The following GOLGA4 variants were observed in gnomAD, a reference collection of about 807,000 sequenced individuals.
The protein encoded by GOLGA4 is golgin subfamily A member 4.
GOLGA4 carries 169 observed loss-of-function variants against 265.9 expected under a neutral mutation model. The observed-to-expected ratio is 0.64, with a 90% CI of 0.56 to 0.72. The LOEUF (loss-of-function observed/expected upper bound fraction) is 0.72, where lower values mean the gene tolerates loss of function less well. Ranked by LOEUF, GOLGA4 falls within the 30% of genes least tolerant of loss-of-function variation. GOLGA4 has a pLI of 0.00. For synonymous variants in GOLGA4, 923 were observed against 855.8 expected (o/e 1.08, Z -1.37); for missense variants, 2,482 against 2,483.4 (o/e 1.00, Z 0.01).
At chr3:37,352,449 T>C (rs192576643) in intron 21 of GOLGA4, among the ~76,000 whole-genome samples, 2 of 152,088 alleles carry the variant, frequency 1.3e-5, no homozygotes, top group African/African-American at 4.8e-5. Flanking sequence ...TTACCTCCCA[T>C]TGGGTCCTTC....
Position 37,282,176 on chromosome 3 carries a change from G to C in GOLGA4, c.381G>C (p.Leu127Phe). ...ATATGGATAGCGAGGCTGAAGACTT[G>C]GTAGGGAATTCAGACAGTCTCAACA... Reference protein sequence around the residue: ...PSDMDSEAEDLVGNSDSLNKE... With the variant: ...PSDMDSEAEDFVGNSDSLNKE... The change falls in exon 3 of 24, where the codon TTG (leucine) becomes TTC (phenylalanine). Residue 127 changes from leucine (L) to phenylalanine (F), a missense_variant. Leu to Phe is a conservative substitution (Grantham distance 22). Transcript: ENST00000361924. 6.2e-7 allele frequency: 1 copy of C among 1,614,078 alleles called. No individual in the cohort carries two copies. The highest frequency in any genetic ancestry group is 1.7e-5 in the Admixed American group (1 of 60,026).
chr3:37,337,005 C>T (rs2097015801), intron 17 of GOLGA4, 138 bp from the exon 18 acceptor site: 1 of 629,682 alleles, frequency 1.6e-6, no homozygotes. Context: ...TTTAAAGTTG[C>T]CTTACCTCAA....
At chr3:37,280,992 T>C (rs1302856453) in intron 2 of GOLGA4, among the ~76,000 whole-genome samples, 3 of 152,222 alleles carry the variant, frequency 2.0e-5, no homozygotes, top group Non-Finnish European at 4.4e-5. Flanking sequence ...ATTTTTTGCC[T>C]ACACATGACC....
rs778517852 is a variant in GOLGA4, at chr3:37,324,763, T to G, written c.2877T>G (p.Val959=). 15 of 1,587,236 alleles carry G rather than the reference T, an allele frequency of 9.5e-6. No individual in the cohort carries two copies. The highest frequency in any genetic ancestry group is 1.3e-5 in the Non-Finnish European group (15 of 1,173,462). Residue 959 remains valine (V), a synonymous_variant, in exon 14 of 24, where the codon GTT becomes GTG. Coordinates refer to ENST00000361924, the MANE Select transcript of GOLGA4 (RefSeq NM_002078.5). ...ACCAAGAAAAAAAGATGGAAAAAGTTAAGCAGAAAGCAAAGGAGATGCAAG... is the reference window on the plus strand; with the variant it reads ...ACCAAGAAAAAAAGATGGAAAAAGTGAAGCAGAAAGCAAAGGAGATGCAAG... ...FKNQEKKMEK[V]KQKAKEMQET...
intron 2 of GOLGA4, among the ~76,000 whole-genome samples, chr3:37,258,158 G>A (rs1306068161): frequency 7.1e-6 from 1 of 141,088 alleles, no homozygotes; most frequent in African/African-American, 2.6e-5. Context: ...TTCTGTATAT[G>A]TATGCTATAT....
chr3:37,327,614 T>A lies in GOLGA4; in HGVS notation c.5728T>A (p.Ser1910Thr), dbSNP rs2096976059. ...AGAAAACACTGAAGAAAAGTCCAAA[T>A]CACATTTGGTCCAACCCAAATTGCT... Reference protein sequence around the residue: ...LEENTEEKSKSHLVQPKLLSN... With the variant: ...LEENTEEKSKTHLVQPKLLSN... Residue 1910 changes from serine (S) to threonine (T), a missense_variant, in exon 14 of 24, where the codon TCA (serine) becomes ACA (threonine). Transcript: ENST00000361924. 5 of 1,613,568 alleles carry A rather than the reference T, an allele frequency of 3.1e-6. No homozygotes were observed. The highest frequency in any genetic ancestry group is 4.2e-6 in the Non-Finnish European group (5 of 1,179,690).
At chr3:37,363,926 A>T (rs112724940) in intron 23 of GOLGA4, among the ~76,000 whole-genome samples, 3 of 152,186 alleles carry the variant, frequency 2.0e-5, no homozygotes, top group African/African-American at 7.2e-5. Flanking sequence ...TGTTTCCCAC[A>T]ACAGATCAAG....
At chr3:37,282,568 C>T (rs1325531498) in intron 3 of GOLGA4, among the ~76,000 whole-genome samples, 1 of 152,182 alleles carries the variant, frequency 6.6e-6, no homozygotes, top group Non-Finnish European at 1.5e-5. Context: ...TGTTCAAGGT[C>T]ACTTGGACAC....
At chr3:37,270,623 C>T (rs796518565) in intron 2 of GOLGA4, among the ~76,000 whole-genome samples, 10 of 151,892 alleles carry the variant, frequency 6.6e-5, no homozygotes, top group African/African-American at 2.2e-4. Flanking sequence ...TTTATGGAGC[C>T]CCTTCATTTC....
Position 37,325,927 on chromosome 3 carries a change from G to C in GOLGA4, c.4041G>C (p.Glu1347Asp). Residue 1347 changes from glutamate (E) to aspartate (D), a missense_variant, in exon 14 of 24, where the codon GAG becomes GAC. Around this residue, in one of 3 missense-constraint regions of GOLGA4, gnomAD observed 942 missense variants for 983.1 expected, o/e 0.96. Transcript: ENST00000361924. Reference protein sequence around the residue: ...KESCITQLKKELSENINAVTL... With the variant: ...KESCITQLKKDLSENINAVTL... Reference sequence around the variant, plus strand: ...CTTGTATAACACAGTTGAAGAAAGAGTTATCTGAAAACATCAATGCTGTCA... The same window carrying C: ...CTTGTATAACACAGTTGAAGAAAGACTTATCTGAAAACATCAATGCTGTCA... The C allele has an allele frequency of 6.2e-7, 1 of 1,613,088 alleles. No homozygotes were observed. The highest frequency in any genetic ancestry group is 2.2e-5 in the East Asian group (1 of 44,822).
At chr3:37,321,978 A>G (rs1367154103) in intron 13 of GOLGA4, 92 bp downstream of exon 13, 1 of 996,122 alleles carries the variant, frequency 1.0e-6, no homozygotes, top group African/African-American at 1.6e-5. Flanking sequence ...TTCGAAGATT[A>G]CTGGATTAGA....
chr3:37,353,367 T>A (rs907182322), intron 21 of GOLGA4, among the ~76,000 whole-genome samples: 2 of 152,054 alleles, frequency 1.3e-5, no homozygotes, highest in African/African-American at 2.4e-5. Flanking sequence ...CAAGAAACAG[T>A]TTCTGTGAAG....
chr3:37,326,515 C>G lies in GOLGA4; in HGVS notation c.4629C>G (p.Ser1543=), dbSNP rs191121471. The change falls in exon 14 of 24, where the codon TCC becomes TCG. Residue 1543 remains serine, a synonymous_variant. Transcript: ENST00000361924. ...CCCAGAAAACTATTGAAATAGAGTC[C>G]TTAAATGAAGTTCTTAAAAATTACA... ...HITQKTIEIE[S]LNEVLKNYNQ... The G allele has an allele frequency of 8.1e-6, 13 of 1,606,802 alleles. No individual in the cohort carries two copies. Among genetic ancestry groups the G allele is most frequent in the Non-Finnish European group, 1.1e-5 (13 of 1,176,432 alleles).
chr3:37,321,887 G>A lies in GOLGA4; in HGVS notation c.1701+1G>A. 1.3e-6 allele frequency: 2 copies of A among 1,590,096 alleles called. No homozygotes were observed. The highest frequency in any genetic ancestry group is 1.7e-6 in the Non-Finnish European group (2 of 1,172,286). Reference sequence around the variant, plus strand: ...GCAAGAAGCAGAGACTTACAGAACTGTAAGTTTTAATAATATTCAGATTCT... The same window carrying A: ...GCAAGAAGCAGAGACTTACAGAACTATAAGTTTTAATAATATTCAGATTCT... On this transcript the variant is annotated splice_donor_variant, in intron 13 of 23. Transcript: ENST00000361924. LOFTEE classifies it high-confidence loss of function.
intron 1 of GOLGA4, 114 bp downstream of exon 1, chr3:37,243,736 G>T: frequency 1.2e-6 from 1 of 836,464 alleles, no homozygotes; most frequent in South Asian, 1.6e-5. Context: ...CCCCTAACCC[G>T]CACTTTTCCC....
intron 10 of GOLGA4, among the ~76,000 whole-genome samples, chr3:37,308,197 C>T (rs965187380): frequency 1.3e-5 from 2 of 151,100 alleles, no homozygotes; most frequent in Non-Finnish European, 2.9e-5. Context: ...CCTGCCATTG[C>T]ACTCCAGCCT....
chr3:37,339,557 A>G (rs911782013), intron 19 of GOLGA4, among the ~76,000 whole-genome samples: 1 of 152,170 alleles, frequency 6.6e-6, no homozygotes, highest in Non-Finnish European at 1.5e-5. Context: ...CTCACCAACA[A>G]GTTTTTTGAT....
At chr3:37,264,369 C>T (rs1578402516) in intron 2 of GOLGA4, among the ~76,000 whole-genome samples, 1 of 152,024 alleles carries the variant, frequency 6.6e-6, no homozygotes, top group South Asian at 2.1e-4. Context: ...TATGATGATA[C>T]CCTAGAGCCA....
intron 17 of GOLGA4, among the ~76,000 whole-genome samples, chr3:37,336,350 T>A (rs2097012682): frequency 6.6e-6 from 1 of 152,196 alleles, no homozygotes; most frequent in Non-Finnish European, 1.5e-5. Flanking sequence ...ATCAAAGTAT[T>A]AATATTGCAT....
Sources: gnomAD v4.1 joint callset for allele counts (sites outside exome capture counted in the v4.1 genomes callset) on GRCh38, gnomAD v4.1.1 for gene constraint, gnomAD v4.1.1 regional missense constraint, MANE v1.5 for transcripts, NCBI Gene and HGNC (gene_info 2026-07-23, HGNC 2026-07-21) for gene names.